The following RUNX1 variants were observed in gnomAD, a reference collection of about 807,000 sequenced individuals.
RUNX1 encodes the protein runt-related transcription factor 1.
A neutral mutation model predicts 42.8 loss-of-function variants in RUNX1; 19 were observed. That is an observed-to-expected ratio of 0.44 (90% CI 0.31 to 0.65). RUNX1 has a LOEUF of 0.65. Among genes scored for constraint, RUNX1 ranks in the 30% least tolerant of loss-of-function variants. The pLI, the probability that RUNX1 is intolerant of heterozygous loss-of-function variation, is 0.07. For synonymous variants in RUNX1, 271 were observed against 289.4 expected, an observed-to-expected ratio of 0.94 and a Z score of 0.64; for missense variants, 528 against 672.0, an observed-to-expected ratio of 0.79 and a Z score of 2.37.
At chr21:34,811,177 T>G (rs2056753352) in intron 7 of RUNX1, among the ~76,000 whole-genome samples, 1 of 152,212 alleles carries the variant, frequency 6.6e-6, no homozygotes, top group Admixed American at 6.5e-5. Flanking sequence ...CCGTTCTTTC[T>G]TTAAGAGCTT....
chr21:34,885,324 C>T (rs1268668941), intron 4 of RUNX1, among the ~76,000 whole-genome samples: 3 of 152,130 alleles, frequency 2.0e-5, no homozygotes, highest in Non-Finnish European at 4.4e-5. Context: ...TGCGGGTGCC[C>T]TAAAGAGTCA....
intron 2 of RUNX1, among the ~76,000 whole-genome samples, chr21:35,006,207 G>A (rs1569147867): frequency 6.6e-6 from 1 of 152,190 alleles, no homozygotes; most frequent in African/African-American, 2.4e-5. Flanking sequence ...TGAGAGAAAG[G>A]CTACAGTGAA....
intron 6 of RUNX1, among the ~76,000 whole-genome samples, chr21:34,849,462 AG>A (rs1490692678): frequency 5.1e-5 from 4 of 78,634 alleles, no homozygotes; most frequent in African/African-American, 1.9e-4. Context: ...TATAATATAT[AG>A]TATATATATA....
Position 34,823,449 on chromosome 21 carries a change from T to TTTTTTTTG in RUNX1, c.805+10960_805+10961insCAAAAAAA, listed in dbSNP as rs1406409030. On this transcript the variant is annotated intron_variant, in intron 7 of 8. Coordinates refer to ENST00000675419, the MANE Select transcript of RUNX1 (RefSeq NM_001754.5). The stretch of plus-strand genomic sequence containing the variant: ...TGGTGGGTTTTTTTTTTTTTTTTTT[T>TTTTTTTTG]TTTTTTTTTTTCAGATGGAGTTTCA... 2.8e-3 allele frequency among the ~76,000 whole-genome samples: 142 copies of TTTTTTTTG among 51,344 alleles called. 7 individuals carry two copies. The highest frequency in any genetic ancestry group is 7.9e-3 in the Non-Finnish European group (132 of 16,706). The allele number at this position is 51,344 out of a possible 152,430, so 33.7% of individuals were successfully genotyped here. A position where few individuals can be genotyped will look rare whatever the true frequency, so the allele number is the denominator to read the frequency against.
intron 2 of RUNX1, among the ~76,000 whole-genome samples, chr21:34,983,763 G>A (rs1457615022): frequency 2.0e-5 from 3 of 152,190 alleles, no homozygotes; most frequent in South Asian, 2.1e-4. Flanking sequence ...CAGAGGAAGT[G>A]GTGGCAAAAG....
chr21:34,910,015 T>C (rs1298348818), intron 2 of RUNX1, among the ~76,000 whole-genome samples: 1 of 152,228 alleles, frequency 6.6e-6, no homozygotes, highest in African/African-American at 2.4e-5. Context: ...GTGAGGAACT[T>C]CTACAGGCCA....
chr21:34,874,610 CAAAAA>C (rs59950735), intron 5 of RUNX1, among the ~76,000 whole-genome samples: 26 of 25,298 alleles, frequency 1.0e-3, no homozygotes, highest in African/African-American at 5.5e-3. Context: ...AACTCTGTCT[CAAAAA>C]AAAAAAAAAA....
At chr21:34,831,971 A>C (rs961980715) in intron 7 of RUNX1, among the ~76,000 whole-genome samples, 2 of 152,240 alleles carry the variant, frequency 1.3e-5, no homozygotes, top group African/African-American at 4.8e-5. Flanking sequence ...TATTTTTTAA[A>C]AGTTGTTCCT....
intron 5 of RUNX1, among the ~76,000 whole-genome samples, chr21:34,864,222 G>A (rs1044923787): frequency 2.2e-4 from 33 of 152,322 alleles, no homozygotes; most frequent in African/African-American, 7.9e-4. Context: ...GTGCCTCGGG[G>A]CACACGTGTT....
intron 5 of RUNX1, among the ~76,000 whole-genome samples, chr21:34,862,247 T>G (rs2057588143): frequency 1.3e-5 from 2 of 152,232 alleles, no homozygotes; most frequent in Admixed American, 1.3e-4. Flanking sequence ...GTTCATGGGA[T>G]GCATGCAATG....
chr21:34,823,069 A>G (rs1159297141), intron 7 of RUNX1, among the ~76,000 whole-genome samples: 1 of 152,232 alleles, frequency 6.6e-6, no homozygotes, highest in Non-Finnish European at 1.5e-5. Context: ...GAACACATAA[A>G]GCCGTAAGGT....
intron 2 of RUNX1, among the ~76,000 whole-genome samples, chr21:34,991,903 G>A (rs1441228589): frequency 6.6e-6 from 1 of 152,202 alleles, no homozygotes; most frequent in African/African-American, 2.4e-5. Context: ...ATATGATGCT[G>A]GAGGCAGAGA....
intron 3 of RUNX1, chr21:34,889,719 C>G (rs1331385566): frequency 2.5e-6 from 3 of 1,187,140 alleles, no homozygotes; most frequent in East Asian, 5.1e-5. Flanking sequence ...TGCGCCGGTC[C>G]CCGCGGTGCT....
At chr21:34,935,476 T>C (rs575953563) in intron 2 of RUNX1, among the ~76,000 whole-genome samples, 1 of 152,326 alleles carries the variant, frequency 6.6e-6, no homozygotes, top group East Asian at 1.9e-4. Context: ...TTTGAACATA[T>C]TCAACAAAAC....
At chr21:34,997,266 T>G (rs903194971) in intron 2 of RUNX1, among the ~76,000 whole-genome samples, 1 of 152,250 alleles carries the variant, frequency 6.6e-6, no homozygotes, top group Non-Finnish European at 1.5e-5. Flanking sequence ...GTAGACATAA[T>G]GATCAATACT....
intron 2 of RUNX1, among the ~76,000 whole-genome samples, chr21:34,966,731 T>C (rs1486130938): frequency 6.6e-6 from 1 of 152,238 alleles, no homozygotes; most frequent in Non-Finnish European, 1.5e-5. Context: ...ATTTTTGCTT[T>C]TCCCACTGAA....
At chr21:34,980,209 G>A (rs755392777) in intron 2 of RUNX1, among the ~76,000 whole-genome samples, 6 of 152,236 alleles carry the variant, frequency 3.9e-5, no homozygotes, top group Admixed American at 2.6e-4. Flanking sequence ...AACAGTGGAC[G>A]AAGTTCTCTG....
At chr21:34,961,176 C>T (rs1273590874) in intron 2 of RUNX1, among the ~76,000 whole-genome samples, 2 of 152,032 alleles carry the variant, frequency 1.3e-5, no homozygotes, top group African/African-American at 4.8e-5. Flanking sequence ...GAAATCGAGA[C>T]CATCCTGGCC....
chr21:34,993,168 T>A (rs545277454), intron 2 of RUNX1, among the ~76,000 whole-genome samples: 1 of 152,332 alleles, frequency 6.6e-6, no homozygotes, highest in Non-Finnish European at 1.5e-5. Flanking sequence ...CGTGGCAATT[T>A]CAGAAGCTTT....
Sources: gnomAD v4.1 joint callset for allele counts (sites outside exome capture counted in the v4.1 genomes callset) on GRCh38, gnomAD v4.1.1 for gene constraint, MANE v1.5 for transcripts, NCBI Gene and HGNC (gene_info 2026-07-23, HGNC 2026-07-21) for gene names.